The following CFAP54 variants were observed in gnomAD, a reference collection of about 807,000 sequenced individuals.
The protein encoded by CFAP54 is cilia- and flagella-associated protein 54.
CFAP54 carries 290 observed loss-of-function variants against 370.4 expected under a neutral mutation model. The ratio of observed to expected loss-of-function variants is 0.78; its 90% CI spans 0.71 to 0.86. The LOEUF (loss-of-function observed/expected upper bound fraction) is 0.86, where lower values mean the gene tolerates loss of function less well. Among genes scored for constraint, CFAP54 ranks in the 40% least tolerant of loss-of-function variants. The pLI, the probability that CFAP54 is intolerant of heterozygous loss-of-function variation, is 0.00. For missense variants in CFAP54, 3,399 were observed against 3,528.7 expected, an observed-to-expected ratio of 0.96 and a Z score of 0.93; for synonymous variants, 1,206 against 1,236.5, an observed-to-expected ratio of 0.98 and a Z score of 0.52.
At chr12:96,647,102 T>C (rs1401493550) in intron 33 of CFAP54, 1 of 151,938 alleles carries the variant, frequency 6.6e-6, no homozygotes. Flanking sequence ...TAAAGTATAA[T>C]AATAAAAAAA....
intron 65 of CFAP54, among the ~76,000 whole-genome samples, chr12:96,825,543 TTATA>T (rs1331744701): frequency 8.5e-6 from 1 of 117,358 alleles, no homozygotes; most frequent in African/African-American, 3.5e-5. Flanking sequence ...TTACTATATA[TTATA>T]TATATTATAT....
intron 30 of CFAP54, 99 bp downstream of exon 30, chr12:96,627,038 G>T (rs1956556419): frequency 1.4e-5 from 12 of 841,760 alleles, no homozygotes; most frequent in Non-Finnish European, 1.9e-5. Context: ...AGAGAGTGGA[G>T]TATATACAGT....
chr12:96,831,236 C>T (rs1478028663), intron 66 of CFAP54, among the ~76,000 whole-genome samples: 1 of 152,128 alleles, frequency 6.6e-6, no homozygotes, highest in African/African-American at 2.4e-5. Context: ...ATTCCACTCT[C>T]CTAGAGCTAC....
rs1206984464 is a variant in CFAP54, at chr12:96,765,096, C to A, written c.8159C>A (p.Ala2720Glu). The change falls in exon 60 of 68, where the codon GCA becomes GAA. Residue 2720 changes from alanine to glutamate, a missense_variant. This residue lies in a region of CFAP54 where 2,796 missense variants were observed against 2,869.7 expected (regional missense o/e 0.97). Coordinates refer to ENST00000524981, the MANE Select transcript of CFAP54 (RefSeq NM_001306084.2). ...AAAQVSEAVL[A>E]INLLIGKKNT... ...TTGTAGGTCAGTGAAGCTGTGCTGG[C>A]AATTAACTTACTTATTGGAAAGAAG... The A allele has an allele frequency of 6.7e-7, 1 of 1,481,726 alleles. No individual in the cohort carries two copies. Among genetic ancestry groups the A allele is most frequent in the Admixed American group, 1.8e-5 (1 of 56,164 alleles). The allele number at this position is 1,481,726 out of a possible 1,614,324, so 91.8% of individuals were successfully genotyped here.
rs1440540434 is a variant in CFAP54 at position 96,743,859 on chromosome 12, A to C, written c.7506A>C (p.Lys2502Asn). 3.1e-6 allele frequency: 5 copies of C among 1,613,676 alleles called. No homozygotes were observed. Among genetic ancestry groups the C allele is most frequent in the African/African-American group, 1.3e-5 (1 of 74,914 alleles). Residue 2502 changes from lysine to asparagine, a missense_variant, in exon 54 of 68, where the codon AAA becomes AAC. Around this residue, in one of 3 missense-constraint regions of CFAP54, gnomAD observed 2,796 missense variants for 2,869.7 expected, o/e 0.97. Coordinates refer to ENST00000524981, the MANE Select transcript of CFAP54 (RefSeq NM_001306084.2). ...AATTCAAGGAATCTCCCTCTTCAAA[A>C]ACAGGAAAATTAAATTTGTTAACTC... The part of the protein sequence containing the change: ...AEKFKESPSS[K>N]TGKLNLLTRA...
chr12:96,839,878 CTG>C (rs1959200923), intron 66 of CFAP54, among the ~76,000 whole-genome samples: 1 of 152,198 alleles, frequency 6.6e-6, no homozygotes, highest in Admixed American at 6.5e-5. Context: ...TGACCTCTCT[CTG>C]TGGCTGGTTG....
chr12:96,612,424 C>T (rs1203299525), intron 26 of CFAP54, among the ~76,000 whole-genome samples: 1 of 152,200 alleles, frequency 6.6e-6, no homozygotes, highest in Non-Finnish European at 1.5e-5. Context: ...GTACCAGCCA[C>T]TGCAAAAACA....
intron 42 of CFAP54, among the ~76,000 whole-genome samples, chr12:96,688,399 A>G (rs1385102860): frequency 6.6e-6 from 1 of 152,232 alleles, no homozygotes; most frequent in African/African-American, 2.4e-5. Context: ...CCCTTTTACC[A>G]AAAACTTCCA....
chr12:96,744,432 TA>T (rs1269591298), intron 55 of CFAP54, among the ~76,000 whole-genome samples: 2 of 152,180 alleles, frequency 1.3e-5, no homozygotes. Context: ...TCTTTTGGAT[TA>T]AAATTATGCC....
At chr12:96,583,133 T>C (rs1432892172) in intron 22 of CFAP54, among the ~76,000 whole-genome samples, 2 of 152,194 alleles carry the variant, frequency 1.3e-5, no homozygotes. Context: ...TAAATATTAA[T>C]AAAATCAAGT....
intron 32 of CFAP54, among the ~76,000 whole-genome samples, chr12:96,631,774 T>C (rs1467133816): frequency 2.0e-5 from 3 of 150,744 alleles, no homozygotes; most frequent in African/African-American, 4.8e-5. Context: ...TTATTCAGTC[T>C]CTCATAAATA....
At chr12:96,552,784 C>G (rs1004696920) in intron 15 of CFAP54, among the ~76,000 whole-genome samples, 11 of 152,328 alleles carry the variant, frequency 7.2e-5, no homozygotes, top group Admixed American at 4.6e-4. Flanking sequence ...GGCATCATTG[C>G]AATTCCCTTC....
intron 17 of CFAP54, among the ~76,000 whole-genome samples, chr12:96,561,721 AC>A (rs1271719192): frequency 1.4e-5 from 2 of 143,308 alleles, no homozygotes; most frequent in African/African-American, 2.7e-5. Flanking sequence ...ACACACACAC[AC>A]ACACACACAC....
At chr12:96,659,182 G>T (rs1011294441) in intron 38 of CFAP54, among the ~76,000 whole-genome samples, 5 of 151,566 alleles carry the variant, frequency 3.3e-5, no homozygotes, top group Non-Finnish European at 4.4e-5. Context: ...TCCCAGAGGT[G>T]GGGGGGTTCT....
chr12:96,543,437 T>C (rs1026133705), intron 14 of CFAP54, among the ~76,000 whole-genome samples: 1 of 152,184 alleles, frequency 6.6e-6, no homozygotes, highest in South Asian at 2.1e-4. Context: ...TCTACGGCTT[T>C]TATCTGTCAT....
Position 96,691,265 on chromosome 12 carries a change from G to A in CFAP54, c.6219G>A (p.Leu2073=), listed in dbSNP as rs1754565345. 1 of 1,609,946 alleles carries A rather than the reference G, an allele frequency of 6.2e-7. No homozygotes were observed. Residue 2073 remains leucine, a synonymous_variant, in exon 44 of 68, where the codon CTG becomes CTA. Transcript: ENST00000524981. The stretch of plus-strand genomic sequence containing the variant: ...ACATTTGCTCTGTAATTGCAAGTCT[G>A]TATTACATTATACGTGAACTGCACT... ...RADICSVIAS[L]YYIIRELHFV... is the part of the protein sequence containing the mutation.
chr12:96,849,079 A>C lies in CFAP54; in HGVS notation c.9172-11740A>C, dbSNP rs1005036027. Among the ~76,000 whole-genome samples, 12 of 152,338 alleles carry C rather than the reference A, an allele frequency of 7.9e-5. 1 individual carries two copies. The highest frequency in any genetic ancestry group is 2.9e-4 in the African/African-American group (12 of 41,574). On this transcript the variant is annotated intron_variant, in intron 66 of 67. Coordinates refer to ENST00000524981, the MANE Select transcript of CFAP54 (RefSeq NM_001306084.2). ...TGATTCTTAAGTAAGCTCGTGTCAT[A>C]TTATCCTTTCTACTTTAGAATGCAT...
At chr12:96,623,360 A>T (rs571169763) in intron 27 of CFAP54, among the ~76,000 whole-genome samples, 22 of 152,264 alleles carry the variant, frequency 1.4e-4, no homozygotes, top group African/African-American at 5.1e-4. Context: ...CTTAGTTGTA[A>T]AGAAGCTCCT....
intron 14 of CFAP54, among the ~76,000 whole-genome samples, chr12:96,541,556 G>T (rs930867566): frequency 6.6e-6 from 1 of 152,030 alleles, no homozygotes; most frequent in Non-Finnish European, 1.5e-5. Context: ...AAAGGGCTGG[G>T]ATTACAGATG....
Sources: gnomAD v4.1 joint callset for allele counts (sites outside exome capture counted in the v4.1 genomes callset) on GRCh38, gnomAD v4.1.1 for gene constraint, gnomAD v4.1.1 regional missense constraint, MANE v1.5 for transcripts, NCBI Gene and HGNC (gene_info 2026-07-23, HGNC 2026-07-21) for gene names.